PTPRZ1: variants seen among roughly 807,000 people sequenced by gnomAD.
The protein encoded by PTPRZ1 is protein tyrosine phosphatase receptor type Z1.
A neutral mutation model predicts 214.1 loss-of-function variants in PTPRZ1; 82 were observed. The ratio of observed to expected loss-of-function variants is 0.38; its 90% confidence interval spans 0.32 to 0.46. The LOEUF is 0.46. PTPRZ1 is among the 20% of genes least tolerant of loss of function. PTPRZ1 has a pLI of 1.00. For synonymous variants in PTPRZ1, 945 were observed against 987.9 expected, an observed-to-expected ratio of 0.96 and a Z score of 0.81; for missense variants, 2,603 against 2,748.7, an observed-to-expected ratio of 0.95 and a Z score of 1.19.
At position 121,873,198 on chromosome 7, in the gene PTPRZ1, C is replaced by T. The variant is rs1386299005; in HGVS notation, c.-302C>T. Reference sequence around the variant, plus strand: ...CCGCAGCCGGCGAAAGAGGCAAAGTCCCGCACGCCGGAGGACATGCGCCTC... The same window carrying T: ...CCGCAGCCGGCGAAAGAGGCAAAGTTCCGCACGCCGGAGGACATGCGCCTC... On this transcript the variant is annotated 5_prime_UTR_variant, in exon 1 of 30. Coordinates refer to ENST00000393386, the MANE Select transcript of PTPRZ1 (RefSeq NM_002851.3). 2.4e-6 allele frequency: 1 copy of T among 421,956 alleles called. No homozygotes were observed. Among genetic ancestry groups the T allele is most frequent in the African/African-American group, 2.0e-5 (1 of 48,898 alleles). The allele number at this position is 421,956 out of a possible 1,614,324, so 26.1% of individuals were successfully genotyped here.
intron 1 of PTPRZ1, among the ~76,000 whole-genome samples, chr7:121,874,061 C>CACACACACACACACACACCT (rs1415912592): frequency 2.4e-4 from 36 of 151,764 alleles, no homozygotes; most frequent in African/African-American, 8.5e-4. Flanking sequence ...CACACACACA[C>CACACACACACACACACACCT]ACACCTGAAA....
Position 122,011,553 on chromosome 7 carries a change from A to T in PTPRZ1, c.2507A>T (p.His836Leu), listed in dbSNP as rs759142145. 2 of 1,614,034 alleles carry T rather than the reference A, an allele frequency of 1.2e-6. No individual in the cohort carries two copies. The highest frequency in any genetic ancestry group is 2.2e-5 in the East Asian group (1 of 44,866). ...SFSSELFRHL[H>L]TVSQILPQVT... ...AGTAGTGAATTGTTTCGCCATCTGC[A>T]TACAGTTTCTCAAATCCTTCCACAA... The change falls in exon 12 of 30, where the codon CAT becomes CTT. Residue 836 changes from histidine to leucine, a missense_variant. This residue lies in a region of PTPRZ1 where 1,913 missense variants were observed against 1,914.3 expected (regional missense o/e 1.00). Coordinates refer to ENST00000393386, the MANE Select transcript of PTPRZ1 (RefSeq NM_002851.3).
At chr7:121,877,254 A>C (rs1383641462) in intron 1 of PTPRZ1, among the ~76,000 whole-genome samples, 1 of 152,160 alleles carries the variant, frequency 6.6e-6, no homozygotes, top group Non-Finnish European at 1.5e-5. Flanking sequence ...CTAACATCAC[A>C]AATCCTGATT....
chr7:121,966,693 G>A (rs1797055934), intron 2 of PTPRZ1, among the ~76,000 whole-genome samples: 1 of 152,126 alleles, frequency 6.6e-6, no homozygotes, highest in African/African-American at 2.4e-5. Flanking sequence ...CGGCTTCATG[G>A]TGTGACTAAT....
intron 2 of PTPRZ1, among the ~76,000 whole-genome samples, chr7:121,931,005 T>C (rs1237240745): frequency 6.6e-6 from 1 of 152,222 alleles, no homozygotes; most frequent in Non-Finnish European, 1.5e-5. Context: ...CAATATTTAA[T>C]GCAGGACATC....
chr7:121,974,812 C>T (rs977305089), intron 4 of PTPRZ1, among the ~76,000 whole-genome samples: 21 of 152,264 alleles, frequency 1.4e-4, no homozygotes, highest in African/African-American at 5.1e-4. Flanking sequence ...AAAACACTCT[C>T]TATGTAATTG....
intron 14 of PTPRZ1, among the ~76,000 whole-genome samples, chr7:122,029,293 C>A (rs1158255603): frequency 1.3e-5 from 2 of 151,856 alleles, no homozygotes; most frequent in Non-Finnish European, 1.5e-5. Context: ...TAGCCAGGGT[C>A]ATTTTGATAG....
rs763190655 is a variant in PTPRZ1, at chr7:122,011,984, A to G, written c.2938A>G (p.Thr980Ala). 1.2e-6 allele frequency: 2 copies of G among 1,613,928 alleles called. No individual in the cohort carries two copies. The highest frequency in any genetic ancestry group is 1.3e-5 in the African/African-American group (1 of 74,906). Residue 980 changes from threonine (T) to alanine (A), a missense_variant, in exon 12 of 30, where the codon ACT becomes GCT. Transcript: ENST00000393386. ...ACCTAAGTCTTCGTTAATAACCCCAACTGCATCATTACTGCAGCCTACTCA... is the reference window on the plus strand; with the variant it reads ...ACCTAAGTCTTCGTTAATAACCCCAGCTGCATCATTACTGCAGCCTACTCA... ...PIPKSSLITP[T>A]ASLLQPTHAL...
At position 121,873,557 on chromosome 7, in the gene PTPRZ1, GGTGA is replaced by G. The variant is rs1431402321; in HGVS notation, c.58+6_58+9del. 6.2e-7 allele frequency: 1 copy of G among 1,613,804 alleles called. No individual in the cohort carries two copies. The highest frequency in any genetic ancestry group is 8.5e-7 in the Non-Finnish European group (1 of 1,180,010). On this transcript the variant is annotated splice_donor_variant and splice_donor_region_variant and intron_variant, in intron 1 of 29. Coordinates refer to ENST00000393386, the MANE Select transcript of PTPRZ1 (RefSeq NM_002851.3). LOFTEE classifies it high-confidence loss of function. ...TCAGCTCCTCTGTGTTTGCCGCCTGGGTGAGTGAGAAGAGCTCGGTGGGGTTTCA... is the reference window on the plus strand; with the variant it reads ...TCAGCTCCTCTGTGTTTGCCGCCTGGGTGAGAAGAGCTCGGTGGGGTTTCA...
chr7:121,957,921 T>C (rs1245701345), intron 2 of PTPRZ1, among the ~76,000 whole-genome samples: 1 of 152,258 alleles, frequency 6.6e-6, no homozygotes, highest in African/African-American at 2.4e-5. Flanking sequence ...CTTTCCTCCG[T>C]TAGGCTAATA....
At chr7:121,901,465 A>C (rs1794954492) in intron 1 of PTPRZ1, among the ~76,000 whole-genome samples, 1 of 152,210 alleles carries the variant, frequency 6.6e-6, no homozygotes, top group Non-Finnish European at 1.5e-5. Flanking sequence ...TGACTATTAC[A>C]CAATTACAGA....
Position 122,039,457 on chromosome 7 carries a change from A to G in PTPRZ1, c.5506A>G (p.Lys1836Glu). The change falls in exon 20 of 30, where the codon AAA becomes GAA. Residue 1836 changes from lysine (K) to glutamate (E), a missense_variant. Lys to Glu is a moderately conservative substitution (Grantham distance 56). Coordinates refer to ENST00000393386, the MANE Select transcript of PTPRZ1 (RefSeq NM_002851.3). ...ITNLVEKGRRKCDQYWPADGS... is the reference protein window; with the variant it reads ...ITNLVEKGRRECDQYWPADGS... ...ACATCTACATTTTCTTTTGCAGAGA[A>G]AATGTGATCAGTACTGGCCTGCCGA... 6.2e-7 allele frequency: 1 copy of G among 1,606,688 alleles called. No homozygotes were observed. Among genetic ancestry groups the G allele is most frequent in the Admixed American group, 1.7e-5 (1 of 57,810 alleles).
intron 21 of PTPRZ1, among the ~76,000 whole-genome samples, chr7:122,041,691 A>G (rs1799737638): frequency 6.6e-6 from 1 of 152,204 alleles, no homozygotes; most frequent in African/African-American, 2.4e-5. Context: ...TTAGATCACA[A>G]AAATCAAATT....
chr7:121,948,136 T>C (rs145106440), intron 2 of PTPRZ1, among the ~76,000 whole-genome samples: 39 of 152,330 alleles, frequency 2.6e-4, no homozygotes, highest in African/African-American at 8.2e-4. Context: ...TGATATTCAC[T>C]AATTTATTCA....
At chr7:121,981,797 C>T (rs1584708356) in intron 6 of PTPRZ1, among the ~76,000 whole-genome samples, 2 of 148,662 alleles carry the variant, frequency 1.3e-5, no homozygotes, top group South Asian at 4.2e-4. Flanking sequence ...TGTGTGTGTA[C>T]ACACACAAAC....
chr7:122,059,897 C>A lies in PTPRZ1; in HGVS notation c.6807+9C>A, dbSNP rs1452461128. 3.7e-6 allele frequency: 6 copies of A among 1,605,326 alleles called. No homozygotes were observed. The highest frequency in any genetic ancestry group is 1.7e-4 in the Middle Eastern group (1 of 5,978). On this transcript the variant is annotated intron_variant, in intron 29 of 29. Transcript: ENST00000393386. ...GAGTCTTTGCTGACATTGTAAGTAACAAGGCAGTGAACGAAATTTTTCACT... is the reference window on the plus strand; with the variant it reads ...GAGTCTTTGCTGACATTGTAAGTAAAAAGGCAGTGAACGAAATTTTTCACT...
chr7:122,028,391 G>A (rs1799270411), intron 13 of PTPRZ1, 161 bp from the exon 14 acceptor site: 1 of 508,994 alleles, frequency 2.0e-6, no homozygotes, highest in Non-Finnish European at 3.5e-6. Flanking sequence ...TTAACATCTT[G>A]TGACTTGTTA....
intron 8 of PTPRZ1, among the ~76,000 whole-genome samples, chr7:121,987,033 A>G (rs1180066727): frequency 4.6e-5 from 7 of 152,226 alleles, no homozygotes; most frequent in Non-Finnish European, 7.3e-5. Flanking sequence ...AATATTGCTT[A>G]TATAGTGTTA....
chr7:121,963,589 A>G lies in PTPRZ1; in HGVS notation c.125-4362A>G, dbSNP rs115552137. ...TTGTTCATATGTTGCATGTTTCATT[A>G]GCATCTTAAAACTCCACCCAGGGGT... On this transcript the variant is annotated intron_variant, in intron 2 of 29. Coordinates refer to ENST00000393386, the MANE Select transcript of PTPRZ1 (RefSeq NM_002851.3). Among the ~76,000 whole-genome samples, 862 of 152,246 alleles carry G rather than the reference A, an allele frequency of 5.7e-3. 9 individuals carry two copies. Among genetic ancestry groups the G allele is most frequent in the African/African-American group, 0.019 (796 of 41,536 alleles).
Sources: gnomAD v4.1 joint callset for allele counts (sites outside exome capture counted in the v4.1 genomes callset) on GRCh38, gnomAD v4.1.1 for gene constraint, gnomAD v4.1.1 regional missense constraint, MANE v1.5 for transcripts, NCBI Gene and HGNC (gene_info 2026-07-23, HGNC 2026-07-21) for gene names.